The following HDAC4 variants were observed in gnomAD, a reference collection of about 807,000 sequenced individuals.
HDAC4 encodes the protein histone deacetylase A.
Under a neutral mutation model 135.1 loss-of-function variants are expected in HDAC4, and 16 were observed. The observed-to-expected ratio is 0.12, with a 90% CI of 0.08 to 0.18. The LOEUF (loss-of-function observed/expected upper bound fraction) is 0.18, where lower values mean the gene tolerates loss of function less well. HDAC4 is among the 10% of genes least tolerant of loss of function. The pLI is 1.00. For synonymous variants in HDAC4, 685 were observed against 653.4 expected (o/e 1.05, Z -0.74); for missense variants, 1,143 against 1,511.8 (o/e 0.76, Z 4.05).
intron 17 of HDAC4, among the ~76,000 whole-genome samples, chr2:239,092,837 T>C (rs2036641857): frequency 6.6e-6 from 1 of 151,968 alleles, no homozygotes; most frequent in South Asian, 2.1e-4. Flanking sequence ...TGGCTCACTC[T>C]GTGTTTCGTT....
At chr2:239,054,908 G>C (rs977569890) in intron 24 of HDAC4, 75 bp from the exon 25 acceptor site, 4 of 1,004,370 alleles carry the variant, frequency 4.0e-6, no homozygotes, top group Non-Finnish European at 6.4e-6. Context: ...TTCCGAGACT[G>C]CAACTGTTTC....
rs1419749592 is a variant in HDAC4 at position 239,146,398 on chromosome 2, A to G, written c.734-1684T>C. Among the ~76,000 whole-genome samples the G allele has an allele frequency of 6.6e-6, 1 of 152,196 alleles. No homozygotes were observed. Among genetic ancestry groups the G allele is most frequent in the Non-Finnish European group, 1.5e-5 (1 of 68,026 alleles). ...AGAGGCAGGGGCTGTGTGTGCCCAC[A>G]GAAGAGCACAGGGTCCCTGGCCCTG... On this transcript the variant is annotated intron_variant, in intron 7 of 26. Transcript: ENST00000543185. This position sits in a 1 kb window ranked among gnomAD's most constrained non-coding sequence, Gnocchi z 4.5.
chr2:239,231,490 C>G (rs369397504), intron 3 of HDAC4, among the ~76,000 whole-genome samples: 6 of 152,188 alleles, frequency 3.9e-5, no homozygotes, highest in African/African-American at 9.7e-5. Context: ...CCAGGGCACT[C>G]GGTCACGGTG....
At chr2:239,183,629 G>A (rs184446311) in intron 4 of HDAC4, among the ~76,000 whole-genome samples, 396 of 152,334 alleles carry the variant, frequency 2.6e-3, no homozygotes, top group African/African-American at 9.0e-3. Flanking sequence ...AGGTGTGCAC[G>A]AGGTCTTCCC....
At chr2:239,171,192 G>C (rs1156281697) in intron 5 of HDAC4, among the ~76,000 whole-genome samples, 1 of 141,928 alleles carries the variant, frequency 7.0e-6, no homozygotes, top group Non-Finnish European at 1.5e-5. Context: ...AAAAAAATGA[G>C]AGAAACAACA....
chr2:239,234,747 C>T (rs1172031709), intron 3 of HDAC4, among the ~76,000 whole-genome samples: 2 of 152,186 alleles, frequency 1.3e-5, no homozygotes, highest in African/African-American at 4.8e-5. Flanking sequence ...CCCGGCCTGT[C>T]CTCACACCAG....
At chr2:239,137,170 C>T (rs973811673) in intron 9 of HDAC4, among the ~76,000 whole-genome samples, 7 of 152,154 alleles carry the variant, frequency 4.6e-5, no homozygotes, top group African/African-American at 9.7e-5. Context: ...TTGGAGATGC[C>T]GACTGGTCCA....
At position 239,053,345 on chromosome 2, in the gene HDAC4, G is replaced by GTCTC. The variant is rs1273828422; in HGVS notation, c.3230+111_3230+114dup. ...TGGAAGGAGGGGGCCACACTGGCCT[G>GTCTC]TCTCTAGTCTGTTGGGCAGGGCATG... On this transcript the variant is annotated intron_variant, in intron 26 of 26. Coordinates refer to ENST00000543185, the MANE Select transcript of HDAC4 (RefSeq NM_001378414.1). 2.6e-5 allele frequency: 38 copies of GTCTC among 1,437,850 alleles called. 1 individual carries two copies. Among genetic ancestry groups the GTCTC allele is most frequent in the Non-Finnish European group, 9.5e-7 (1 of 1,051,686 alleles). The allele number at this position is 1,437,850 out of a possible 1,614,324, so 89.1% of individuals were successfully genotyped here.
chr2:239,087,749 AG>A, intron 18 of HDAC4, 135 bp from the exon 19 acceptor site: 1 of 818,256 alleles, frequency 1.2e-6, no homozygotes, highest in Non-Finnish European at 2.1e-6. Flanking sequence ...CCCTGGCCAC[AG>A]TGATGGGGAC....
rs75435493 is a variant in HDAC4, at chr2:239,226,784, C to T, written c.94+9809G>A. ...GGAAAGAACCAGTTGGAAAGTGAGG[C>T]CGGCAGGCTCACGGGTGGGGCTGGC... On this transcript the variant is annotated intron_variant, in intron 3 of 26. Coordinates refer to ENST00000543185, the MANE Select transcript of HDAC4 (RefSeq NM_001378414.1). Among the ~76,000 whole-genome samples the T allele has an allele frequency of 6.4e-3, 971 of 152,336 alleles. 22 individuals carry two copies. In the East Asian group the frequency reaches 0.072, roughly 11 times the overall value.
intron 18 of HDAC4, among the ~76,000 whole-genome samples, chr2:239,088,268 G>GC (rs901432981): frequency 2.6e-5 from 4 of 152,254 alleles, no homozygotes; most frequent in Non-Finnish European, 5.9e-5. Flanking sequence ...GGTCTCACCA[G>GC]CAACAGGACA....
intron 4 of HDAC4, among the ~76,000 whole-genome samples, chr2:239,179,273 C>T (rs371965642): frequency 6.6e-5 from 10 of 152,324 alleles, no homozygotes; most frequent in South Asian, 2.1e-4. Flanking sequence ...AATCCCTCTA[C>T]GACAGGGGTC....
At chr2:239,388,893 G>A (rs1575798169) in intron 1 of HDAC4, among the ~76,000 whole-genome samples, 1 of 152,204 alleles carries the variant, frequency 6.6e-6, no homozygotes, top group African/African-American at 2.4e-5. Context: ...CCAGGGCCCC[G>A]GGTTTTCCCA....
intron 2 of HDAC4, among the ~76,000 whole-genome samples, chr2:239,322,604 G>C (rs2053351118): frequency 6.6e-6 from 1 of 152,186 alleles, no homozygotes; most frequent in Non-Finnish European, 1.5e-5. Context: ...AATGGGTGGG[G>C]GCTTTTCCTG....
At chr2:239,126,402 G>T in intron 12 of HDAC4, 54 bp downstream of exon 12, 1 of 1,611,382 alleles carries the variant, frequency 6.2e-7, no homozygotes, top group South Asian at 1.1e-5. Context: ...TGAGGCTGAA[G>T]CGCACAGCAC....
chr2:239,189,397 T>A (rs200487690), intron 4 of HDAC4, among the ~76,000 whole-genome samples: 1 of 152,234 alleles, frequency 6.6e-6, no homozygotes, highest in Non-Finnish European at 1.5e-5. Flanking sequence ...GAAAATATTA[T>A]CTTTTTCTAA....
At chr2:239,080,199 C>T (rs1172435274) in intron 22 of HDAC4, among the ~76,000 whole-genome samples, 2 of 152,198 alleles carry the variant, frequency 1.3e-5, no homozygotes, top group Non-Finnish European at 2.9e-5. Context: ...CACATGCACA[C>T]ACGTCACAAA....
intron 1 of HDAC4, among the ~76,000 whole-genome samples, chr2:239,357,287 A>T (rs1403414076): frequency 6.6e-6 from 1 of 152,248 alleles, no homozygotes; most frequent in African/African-American, 2.4e-5. Flanking sequence ...AATTTAAAAG[A>T]AGTTAGAAAA....
intron 1 of HDAC4, among the ~76,000 whole-genome samples, chr2:239,399,600 C>T (rs578239879): frequency 2.6e-5 from 4 of 152,338 alleles, no homozygotes; most frequent in African/African-American, 7.2e-5. Flanking sequence ...TCCCCCCAGT[C>T]CTGCTGGGCT....
Sources: allele counts gnomAD v4.1 joint callset (sites outside exome capture counted in the v4.1 genomes callset), GRCh38; gene constraint gnomAD v4.1.1; non-coding constraint Gnocchi (gnomAD v3.1); transcripts MANE v1.5; gene names NCBI Gene and HGNC (gene_info 2026-07-23, HGNC 2026-07-21).